LRRC49: variants seen among roughly 807,000 people sequenced by gnomAD.
LRRC49 encodes the protein leucine rich repeat containing 49, also known as leucine-rich repeat-containing protein 49.
Under a neutral mutation model 83.3 loss-of-function variants are expected in LRRC49, and 50 were observed. The ratio of observed to expected loss-of-function variants is 0.60; its 90% CI spans 0.48 to 0.76. LRRC49 has a LOEUF of 0.76. Among genes scored for constraint, LRRC49 ranks in the 30% least tolerant of loss-of-function variants. LRRC49 has a pLI of 0.00. For synonymous variants in LRRC49, 286 were observed against 283.3 expected (o/e 1.01, Z -0.10); for missense variants, 704 against 809.1 (o/e 0.87, Z 1.58).
intron 9 of LRRC49, among the ~76,000 whole-genome samples, chr15:70,970,142 A>G (rs2036941780): frequency 6.6e-6 from 1 of 152,148 alleles, no homozygotes; most frequent in South Asian, 2.1e-4. Context: ...TTATTTTGAG[A>G]TATGTTCCAT....
chr15:70,875,901 G>T (rs1159330574), intron 2 of LRRC49, among the ~76,000 whole-genome samples: 1 of 152,116 alleles, frequency 6.6e-6, no homozygotes, highest in African/African-American at 2.4e-5. Context: ...ATGATTCTTG[G>T]TACATAAAGG....
At chr15:71,048,803 G>A (rs1413653980) in intron 15 of LRRC49, 1 of 456,046 alleles carries the variant, frequency 2.2e-6, no homozygotes, top group East Asian at 7.0e-5. Context: ...CCCAGAAGTT[G>A]AGTGGGAGAC....
At chr15:70,942,823 CAG>C (rs1567062672) in intron 8 of LRRC49, among the ~76,000 whole-genome samples, 1 of 152,138 alleles carries the variant, frequency 6.6e-6, no homozygotes, top group East Asian at 1.9e-4. Flanking sequence ...GGGAGAAAAA[CAG>C]AGATCTTGCT....
intron 9 of LRRC49, among the ~76,000 whole-genome samples, chr15:70,964,450 T>G (rs1191404882): frequency 6.6e-6 from 1 of 152,182 alleles, no homozygotes. Context: ...TACTACACTT[T>G]AGACTGCGAG....
chr15:70,893,725 T>G, intron 2 of LRRC49, 85 bp downstream of exon 2: 1 of 1,036,494 alleles, frequency 9.6e-7, no homozygotes, highest in Non-Finnish European at 1.5e-6. Flanking sequence ...TGTAGATAGA[T>G]TCTAAACTGA....
intron 6 of LRRC49, among the ~76,000 whole-genome samples, chr15:70,913,974 A>T (rs2034655314): frequency 1.3e-5 from 2 of 151,974 alleles, no homozygotes; most frequent in Non-Finnish European, 2.9e-5. Context: ...TATATATTTT[A>T]TAATTTCAGC....
chr15:70,984,946 A>G (rs1297087122), intron 11 of LRRC49, among the ~76,000 whole-genome samples: 2 of 148,904 alleles, frequency 1.3e-5, no homozygotes, highest in Non-Finnish European at 3.0e-5. Flanking sequence ...ATGTCCCTAC[A>G]AAGGACATGA....
chr15:70,859,337 G>T, intron 1 of LRRC49: 1 of 782,506 alleles, frequency 1.3e-6, no homozygotes. Flanking sequence ...GAACAAGATA[G>T]AGCTGGAGTC....
chr15:71,037,026 G>A (rs1345980377), intron 14 of LRRC49, among the ~76,000 whole-genome samples, 153 bp from the exon 15 acceptor site: 2 of 151,904 alleles, frequency 1.3e-5, no homozygotes, highest in African/African-American at 4.8e-5. Context: ...AAAGTTTGGG[G>A]TACCAGACTG....
At position 70,864,716 on chromosome 15, in the gene LRRC49, T is replaced by C. The variant is rs543134318; in HGVS notation, c.-298-8192T>C. Among the ~76,000 whole-genome samples the C allele has an allele frequency of 9.8e-5, 15 of 152,308 alleles. No individual in the cohort carries two copies. The South Asian group carries it at 2.5e-3, about 25-fold the overall frequency. Reference sequence around the variant, plus strand: ...AACTTTTCTGGATTTGCCAGTTTAGTGTACGGGACATTCAATGCTGTCCAT... The same window carrying C: ...AACTTTTCTGGATTTGCCAGTTTAGCGTACGGGACATTCAATGCTGTCCAT... On this transcript the variant is annotated intron_variant, in intron 1 of 16. Transcript: ENST00000544974.
chr15:70,967,176 G>C (rs536828825), intron 9 of LRRC49, among the ~76,000 whole-genome samples: 3 of 152,188 alleles, frequency 2.0e-5, no homozygotes, highest in African/African-American at 7.2e-5. Context: ...ACATGGCTAA[G>C]CATTGAGTGT....
chr15:70,871,339 C>G (rs986430130), intron 1 of LRRC49, among the ~76,000 whole-genome samples: 27 of 152,132 alleles, frequency 1.8e-4, no homozygotes, highest in African/African-American at 6.0e-4. Flanking sequence ...ATGGAGTCTC[C>G]CATGTCTACT....
Position 70,858,181 on chromosome 15 carries a change from A to C in LRRC49, c.-299+4712A>C, listed in dbSNP as rs148097789. On this transcript the variant is annotated intron_variant, in intron 1 of 16. Coordinates refer to the LRRC49 transcript ENST00000544974. ...TAGATGCCATACTCTTAAAAGTTGA[A>C]TCTGGTCTGCAGAAGTGTTTTGCTT... Among the ~76,000 whole-genome samples, 66 of 152,370 alleles carry C rather than the reference A, an allele frequency of 4.3e-4. 2 individuals carry two copies. Among genetic ancestry groups the C allele is most frequent in the African/African-American group, 1.4e-3 (57 of 41,588 alleles).
chr15:70,883,287 G>A (rs2033315503), intron 2 of LRRC49, among the ~76,000 whole-genome samples: 1 of 152,100 alleles, frequency 6.6e-6, no homozygotes, highest in Non-Finnish European at 1.5e-5. Context: ...CGCCTGCCGG[G>A]TTCAAGTGAT....
intron 2 of LRRC49, among the ~76,000 whole-genome samples, chr15:70,875,774 G>A (rs2033140936): frequency 6.6e-6 from 1 of 152,162 alleles, no homozygotes; most frequent in Non-Finnish European, 1.5e-5. Flanking sequence ...CACTATAGCC[G>A]ATAAGCGTCT....
rs760354354 is a variant in LRRC49 at position 70,853,945 on chromosome 15, C to G, written c.-299+476C>G. On this transcript the variant is annotated intron_variant, in intron 1 of 16. Transcript: ENST00000544974. ...CGCTGCCCCAGCCGGGGCTGAGGTACCGGGCCGGGTCCCCGGCGCCCCGAG... is the reference window on the plus strand; with the variant it reads ...CGCTGCCCCAGCCGGGGCTGAGGTAGCGGGCCGGGTCCCCGGCGCCCCGAG... The G allele has an allele frequency of 3.8e-5, 55 of 1,446,042 alleles. No homozygotes were observed. The African/African-American group carries it at 7.7e-4, about 20-fold the overall frequency. 89.6% of individuals were successfully genotyped at this position (1,446,042 alleles called of 1,614,324 possible).
intron 1 of LRRC49, among the ~76,000 whole-genome samples, chr15:70,863,565 C>T (rs1463112838): frequency 6.6e-6 from 1 of 152,174 alleles, no homozygotes; most frequent in Non-Finnish European, 1.5e-5. Context: ...TCAAAAATCC[C>T]TACAGGAGGG....
chr15:70,949,386 AT>A (rs2036132963), intron 8 of LRRC49, among the ~76,000 whole-genome samples: 1 of 152,150 alleles, frequency 6.6e-6, no homozygotes. Context: ...TTACATATAT[AT>A]TTTTGCTGAT....
rs753034504 is a variant in LRRC49 at position 70,963,773 on chromosome 15, T to C, written c.774-12T>C. 6.2e-7 allele frequency: 1 copy of C among 1,610,942 alleles called. No homozygotes were observed. The highest frequency in any genetic ancestry group is 8.5e-7 in the Non-Finnish European group (1 of 1,178,300). On this transcript the variant is annotated splice_polypyrimidine_tract_variant and intron_variant, in intron 8 of 15. Coordinates refer to ENST00000260382, the MANE Select transcript of LRRC49 (RefSeq NM_017691.5). ...CCTCAGAATAATCCAGTGGTTTCTG[T>C]CTCTCCTGCAGTTTTGACAGTGTTT... is the stretch of plus-strand genomic sequence containing the variant.
Sources: allele counts gnomAD v4.1 joint callset (sites outside exome capture counted in the v4.1 genomes callset), GRCh38; gene constraint gnomAD v4.1.1; transcripts MANE v1.5; gene names NCBI Gene and HGNC (gene_info 2026-07-23, HGNC 2026-07-21).